AP1G1: variants seen among roughly 807,000 people sequenced by gnomAD.
The protein encoded by AP1G1 is adaptor related protein complex 1 subunit gamma 1, also known as AP-1 complex subunit gamma-1.
AP1G1 carries 7 observed loss-of-function variants against 108.3 expected under a neutral mutation model. The observed-to-expected ratio is 0.06, with a 90% CI of 0.04 to 0.12. AP1G1 has a LOEUF of 0.12. Ranked by LOEUF, AP1G1 falls within the 10% of genes least tolerant of loss-of-function variation. The pLI is 1.00. For missense variants in AP1G1, 756 were observed against 1,010.7 expected, an observed-to-expected ratio of 0.75 and a Z score of 3.42; for synonymous variants, 379 against 353.5, an observed-to-expected ratio of 1.07 and a Z score of -0.81.
intron 13 of AP1G1, among the ~76,000 whole-genome samples, chr16:71,750,973 G>A (rs1409897873): frequency 5.3e-5 from 8 of 151,282 alleles, no homozygotes; most frequent in Non-Finnish European, 1.0e-4. Flanking sequence ...TGGCTAACAC[G>A]ATGAAACCCC....
Position 71,808,754 on chromosome 16 carries a change from G to C in AP1G1, c.-4+9C>G, listed in dbSNP as rs943667750. 6 of 1,289,420 alleles carry C rather than the reference G, an allele frequency of 4.7e-6. No individual in the cohort carries two copies. Among genetic ancestry groups the C allele is most frequent in the Non-Finnish European group, 5.1e-6 (5 of 988,560 alleles). 79.9% of individuals were successfully genotyped at this position (1,289,420 alleles called of 1,614,324 possible). A position where few individuals can be genotyped will look rare whatever the true frequency, so the allele number is the denominator to read the frequency against. ...GCAATATGCTCTCAGCGCCGGGAGT[G>C]ACACTCACCGGCCCGAAACCTCGAA... On this transcript the variant is annotated intron_variant, in intron 1 of 22. Transcript: ENST00000299980.
chr16:71,743,772 C>A lies in AP1G1; in HGVS notation c.1999+1372G>T, dbSNP rs140283591. 1.8e-3 allele frequency among the ~76,000 whole-genome samples: 266 copies of A among 149,278 alleles called. 1 individual carries two copies. The highest frequency in any genetic ancestry group is 6.5e-3 in the African/African-American group (261 of 40,370). Reference sequence around the variant, plus strand: ...ACCAACCTGGCCTACATGGTGAAACCCTGTCTCTCCTAAAACTACAAAAAT... The same window carrying A: ...ACCAACCTGGCCTACATGGTGAAACACTGTCTCTCCTAAAACTACAAAAAT... On this transcript the variant is annotated intron_variant, in intron 19 of 22. Transcript: ENST00000299980.
chr16:71,750,269 C>T lies in AP1G1; in HGVS notation c.1348G>A (p.Glu450Lys). Residue 450 changes from glutamate to lysine, a missense_variant, in exon 14 of 23, where the codon GAG (glutamate) becomes AAG (lysine). Glu to Lys is a moderately conservative substitution (Grantham distance 56, BLOSUM62 1). Around this residue, in one of 3 missense-constraint regions of AP1G1, gnomAD observed 357 missense variants for 366.5 expected, o/e 0.97. Coordinates refer to ENST00000299980, the MANE Select transcript of AP1G1 (RefSeq NM_001128.6). The stretch of plus-strand genomic sequence containing the variant: ...CGCTGGACAGTATAGGCATGCATCT[C>T]CACACTATTAGTTATTAACTGGATT... ...NLIQLITNSV[E>K]MHAYTVQRLY... 1 of 1,614,010 alleles carries T rather than the reference C, an allele frequency of 6.2e-7. No homozygotes were observed. Among genetic ancestry groups the T allele is most frequent in the South Asian group, 1.1e-5 (1 of 91,070 alleles).
At chr16:71,777,432 G>T (rs975634818) in intron 2 of AP1G1, among the ~76,000 whole-genome samples, 1 of 152,086 alleles carries the variant, frequency 6.6e-6, no homozygotes, top group Admixed American at 6.6e-5. Flanking sequence ...GGGTGGAGGG[G>T]TCAGTGTCTG....
intron 21 of AP1G1, among the ~76,000 whole-genome samples, chr16:71,737,180 G>C (rs2045560839): frequency 6.6e-6 from 1 of 152,140 alleles, no homozygotes; most frequent in Non-Finnish European, 1.5e-5. Flanking sequence ...GAGGCATAGA[G>C]GTTCAGTGAC....
intron 6 of AP1G1, chr16:71,767,962 C>T: frequency 6.8e-7 from 1 of 1,459,930 alleles, no homozygotes; most frequent in Non-Finnish European, 9.5e-7. Flanking sequence ...ATACGGGTCT[C>T]ATACTATATT....
At chr16:71,801,296 C>CAAAA (rs571974218) in intron 1 of AP1G1, among the ~76,000 whole-genome samples, 1 of 124,850 alleles carries the variant, frequency 8.0e-6, no homozygotes, top group African/African-American at 3.2e-5. Flanking sequence ...AACAAACAAA[C>CAAAA]AAAAAAAAAG....
intron 4 of AP1G1, among the ~76,000 whole-genome samples, chr16:71,771,540 G>A (rs1428610007): frequency 6.6e-6 from 1 of 152,062 alleles, no homozygotes; most frequent in Non-Finnish European, 1.5e-5. Flanking sequence ...AAATTAAGAG[G>A]AGAGAAAATT....
intron 12 of AP1G1, 75 bp downstream of exon 12, chr16:71,755,944 C>T (rs2030764214): frequency 1.1e-5 from 17 of 1,518,190 alleles, no homozygotes; most frequent in Non-Finnish European, 1.5e-5. Flanking sequence ...GCGCCCAGCC[C>T]CCTCCCCATG....
At chr16:71,764,102 A>C (rs554404427) in intron 9 of AP1G1, among the ~76,000 whole-genome samples, 1 of 152,366 alleles carries the variant, frequency 6.6e-6, no homozygotes, top group East Asian at 1.9e-4. Context: ...GGTTAACGTC[A>C]CCAATGATAA....
intron 1 of AP1G1, among the ~76,000 whole-genome samples, chr16:71,796,728 T>A (rs1223316873): frequency 1.3e-5 from 2 of 152,190 alleles, no homozygotes; most frequent in Non-Finnish European, 2.9e-5. Context: ...AGGACTTAAG[T>A]TCAATTCTCC....
chr16:71,782,786 GATT>G (rs1490451342), intron 2 of AP1G1, among the ~76,000 whole-genome samples: 5 of 152,012 alleles, frequency 3.3e-5, no homozygotes, highest in African/African-American at 1.2e-4. Flanking sequence ...ATGCCCAGCC[GATT>G]ATTATTCTTA....
rs1035549707 is a variant in AP1G1, at chr16:71,769,650, G to T, written c.615C>A (p.Ser205Arg). Residue 205 changes from serine (S) to arginine (R), a missense_variant, in exon 6 of 23, where the codon AGC (serine) becomes AGA (arginine). Ser to Arg is a moderately radical substitution (Grantham distance 110). This residue lies in a region of AP1G1 where 304 missense variants were observed against 483.6 expected (regional missense o/e 0.63). Coordinates refer to ENST00000299980, the MANE Select transcript of AP1G1 (RefSeq NM_001128.6). Reference sequence around the variant, plus strand: ...TTCTGAAATGCGCAAGCATGTCTGGGCTTCGCTCACACATTTCTGTGAGGA... The same window carrying T: ...TTCTGAAATGCGCAAGCATGTCTGGTCTTCGCTCACACATTTCTGTGAGGA... ...VVLLTEMCER[S>R]PDMLAHFRKL... 6.2e-7 allele frequency: 1 copy of T among 1,613,600 alleles called. No individual in the cohort carries two copies. The highest frequency in any genetic ancestry group is 8.5e-7 in the Non-Finnish European group (1 of 1,179,738).
chr16:71,796,476 C>T (rs546168483), intron 1 of AP1G1, among the ~76,000 whole-genome samples: 2 of 152,226 alleles, frequency 1.3e-5, no homozygotes, highest in African/African-American at 4.8e-5. Flanking sequence ...GAATAGTGTC[C>T]TGTGGAATGC....
chr16:71,790,146 T>C (rs1431469333), intron 1 of AP1G1, among the ~76,000 whole-genome samples: 2 of 151,530 alleles, frequency 1.3e-5, no homozygotes, highest in East Asian at 1.9e-4. Flanking sequence ...GCCTAAATAA[T>C]TGTTAACAAA....
chr16:71,808,236 A>C (rs761935952), intron 1 of AP1G1: 130 of 1,085,010 alleles, frequency 1.2e-4, no homozygotes, highest in Non-Finnish European at 1.4e-4. Context: ...AAAATTGGGA[A>C]AGAAGTTGGT....
chr16:71,769,889 C>A (rs2031502411), intron 5 of AP1G1, among the ~76,000 whole-genome samples, 190 bp from the exon 6 acceptor site: 1 of 152,098 alleles, frequency 6.6e-6, no homozygotes, highest in African/African-American at 2.4e-5. Context: ...TAAAACTGGC[C>A]AAGTTGGTAA....
intron 18 of AP1G1, 22 bp from the exon 19 acceptor site, chr16:71,745,292 C>T (rs932913410): frequency 1.2e-6 from 2 of 1,613,552 alleles, no homozygotes; most frequent in Middle Eastern, 1.7e-4. Flanking sequence ...AACAACACCT[C>T]AATTCATTAT....
intron 14 of AP1G1, 34 bp from the exon 15 acceptor site, chr16:71,750,017 T>C: frequency 6.4e-7 from 1 of 1,572,914 alleles, no homozygotes; most frequent in South Asian, 1.1e-5. Context: ...TCTCAAGAAC[T>C]TCAATTTTTC....
Sources: gnomAD v4.1 joint callset for allele counts (sites outside exome capture counted in the v4.1 genomes callset) on GRCh38, gnomAD v4.1.1 for gene constraint, gnomAD v4.1.1 regional missense constraint, MANE v1.5 for transcripts, NCBI Gene and HGNC (gene_info 2026-07-23, HGNC 2026-07-21) for gene names.